C14orf39: variants seen among roughly 807,000 people sequenced by gnomAD.
C14orf39 encodes the protein chromosome 14 open reading frame 39, also known as protein SIX6OS1.
Under a neutral mutation model 85.6 loss-of-function variants are expected in C14orf39, and 66 were observed. The observed-to-expected ratio is 0.77, with a 90% confidence interval of 0.63 to 0.95. The LOEUF is 0.95. Ranked by LOEUF, C14orf39 falls within the 40% of genes least tolerant of loss-of-function variation. C14orf39 has a pLI of 0.00. For synonymous variants in C14orf39, 242 were observed against 214.0 expected (o/e 1.13, Z -1.14); for missense variants, 735 against 663.9 (o/e 1.11, Z -1.18).
At chr14:60,438,159 T>A (rs981378378) in intron 17 of C14orf39, among the ~76,000 whole-genome samples, 3 of 152,028 alleles carry the variant, frequency 2.0e-5, no homozygotes, top group Non-Finnish European at 4.4e-5. Context: ...CTTTCATATA[T>A]TTAATAACTT....
chr14:60,489,236 A>G (rs535517419), upstream of C14orf39, among the ~76,000 whole-genome samples: 29 of 152,248 alleles, frequency 1.9e-4, no homozygotes, highest in African/African-American at 7.0e-4. Context: ...TTTTTCTTTG[A>G]TATTTTCTTT....
chr14:60,508,083 G>A lies in C14orf39; in HGVS notation c.-144+7312C>T, dbSNP rs577182478. On this transcript the variant is annotated intron_variant, in intron 1 of 5. Coordinates refer to the C14orf39 transcript ENST00000556799. Reference sequence around the variant, plus strand: ...ACTACAGGAGGGGTCAATAATCAGCGGCTTAGGAAGTGCTTTCTGGGCCCC... The same window carrying A: ...ACTACAGGAGGGGTCAATAATCAGCAGCTTAGGAAGTGCTTTCTGGGCCCC... Among the ~76,000 whole-genome samples the A allele has an allele frequency of 1.6e-4, 24 of 152,232 alleles. 2 individuals are homozygous for A. The highest frequency in any genetic ancestry group is 5.8e-4 in the African/African-American group (24 of 41,530).
At chr14:60,504,813 T>C (rs909102639) in intron 1 of C14orf39, among the ~76,000 whole-genome samples, 2 of 152,346 alleles carry the variant, frequency 1.3e-5, no homozygotes, top group African/African-American at 4.8e-5. Context: ...TTGGCTTAGA[T>C]ACAAATTTTT....
At chr14:60,461,269 T>A in intron 13 of C14orf39, 85 bp downstream of exon 13, 2 of 1,181,912 alleles carry the variant, frequency 1.7e-6, no homozygotes, top group Non-Finnish European at 2.5e-6. Flanking sequence ...ATGCAAATAA[T>A]CGAAACAATT....
At position 60,455,053 on chromosome 14, in the gene C14orf39, C is replaced by A; in HGVS notation, c.1451G>T (p.Gly484Val). The A allele has an allele frequency of 1.3e-6, 2 of 1,578,688 alleles. No individual in the cohort carries two copies. Among genetic ancestry groups the A allele is most frequent in the Admixed American group, 1.9e-5 (1 of 52,602 alleles). The change falls in exon 16 of 18, where the codon GGA (glycine) becomes GTA (valine). Residue 484 changes from glycine (G) to valine (V), a missense_variant. Gly to Val is a moderately radical substitution (Grantham distance 109). Coordinates refer to ENST00000321731, the MANE Select transcript of C14orf39 (RefSeq NM_174978.3). ...FLMSYTSRSP[G>V]LNLFDSSVFD... Reference sequence around the variant, plus strand: ...TACAGAAGAATCAAATAAATTCAATCCAGGTGATCTAGAAGTATAACTCAT... The same window carrying A: ...TACAGAAGAATCAAATAAATTCAATACAGGTGATCTAGAAGTATAACTCAT...
upstream of C14orf39, among the ~76,000 whole-genome samples, chr14:60,490,073 C>G (rs1050935288): frequency 6.6e-6 from 1 of 152,128 alleles, no homozygotes; most frequent in African/African-American, 2.4e-5. Context: ...TCATAATTTT[C>G]TCTATCTTCT....
Position 60,465,546 on chromosome 14 carries a change from C to T in C14orf39, c.972+433G>A, listed in dbSNP as rs369982781. The stretch of plus-strand genomic sequence containing the variant: ...ACAGGGGGTTAAGTAAACTAACTAC[C>T]ACTGAGGTAACGCAACCAATTACCT... On this transcript the variant is annotated intron_variant, in intron 11 of 17. Coordinates refer to ENST00000321731, the MANE Select transcript of C14orf39 (RefSeq NM_174978.3). 5.1e-4 allele frequency among the ~76,000 whole-genome samples: 77 copies of T among 152,124 alleles called. 1 individual carries two copies. The highest frequency in any genetic ancestry group is 4.6e-3 in the East Asian group (24 of 5,164).
chr14:60,457,051 A>G lies in C14orf39; in HGVS notation c.1224T>C (p.Ser408=). The part of the protein sequence containing the change: ...EHFGKSVEND[S]DEVEERAENF... ...TCTCAGCTCTCTCTTCTACTTCATC[A>G]CTATCATTTTCTACTGACTTCCCAA... The change falls in exon 15 of 18, where the codon AGT becomes AGC. Residue 408 remains serine, a synonymous_variant. Coordinates refer to ENST00000321731, the MANE Select transcript of C14orf39 (RefSeq NM_174978.3). 1 of 1,605,962 alleles carries G rather than the reference A, an allele frequency of 6.2e-7. No individual in the cohort carries two copies. The highest frequency in any genetic ancestry group is 8.5e-7 in the Non-Finnish European group (1 of 1,176,586).
intron 1 of C14orf39, chr14:60,511,109 G>C: frequency 6.2e-7 from 1 of 1,612,952 alleles, no homozygotes; most frequent in Non-Finnish European, 8.5e-7. Flanking sequence ...CCTGTCACAG[G>C]GTTCCGGGCG....
intron 2 of C14orf39, among the ~76,000 whole-genome samples, chr14:60,492,994 A>G (rs1015853927): frequency 6.6e-6 from 1 of 152,130 alleles, no homozygotes; most frequent in Non-Finnish European, 1.5e-5. Context: ...TCTAGAAAAA[A>G]AACTCAGATT....
intron 16 of C14orf39, among the ~76,000 whole-genome samples, chr14:60,451,242 G>A (rs1176418252): frequency 6.6e-6 from 1 of 152,140 alleles, no homozygotes; most frequent in Non-Finnish European, 1.5e-5. Context: ...TTGTTGGTGG[G>A]ACTGTAAACT....
intron 17 of C14orf39, among the ~76,000 whole-genome samples, chr14:60,438,259 CAGAT>C (rs1383108297): frequency 1.3e-5 from 2 of 151,972 alleles, no homozygotes; most frequent in Non-Finnish European, 2.9e-5. Flanking sequence ...GATGGACAGA[CAGAT>C]GGATAGATGG....
chr14:60,508,571 C>T (rs1893239848), intron 1 of C14orf39, among the ~76,000 whole-genome samples: 1 of 152,150 alleles, frequency 6.6e-6, no homozygotes, highest in Non-Finnish European at 1.5e-5. Flanking sequence ...TCTACAGATC[C>T]CTGGTCCTGT....
chr14:60,455,097 G>A lies in C14orf39; in HGVS notation c.1407C>T (p.Ser469=). 2 of 1,568,812 alleles carry A rather than the reference G, an allele frequency of 1.3e-6. No individual in the cohort carries two copies. The highest frequency in any genetic ancestry group is 2.4e-5 in the South Asian group (2 of 83,470). Residue 469 remains serine (S), a synonymous_variant, in exon 16 of 18, where the codon TCC becomes TCT. Coordinates refer to ENST00000321731, the MANE Select transcript of C14orf39 (RefSeq NM_174978.3). ...AACTCATAAGAAAAGAAAGTCCAGGGGATTCCTTTTCTGTTTGAACTTCAG... is the reference window on the plus strand; with the variant it reads ...AACTCATAAGAAAAGAAAGTCCAGGAGATTCCTTTTCTGTTTGAACTTCAG... The part of the protein sequence containing the change: ...AVPEVQTEKE[S]PGLSFLMSYT...
chr14:60,443,134 C>T (rs1340877348), intron 16 of C14orf39, among the ~76,000 whole-genome samples: 1 of 152,068 alleles, frequency 6.6e-6, no homozygotes, highest in Non-Finnish European at 1.5e-5. Flanking sequence ...CTCTGCATTT[C>T]CAACTGAGGT....
At chr14:60,459,419 G>A (rs1392612925) in intron 13 of C14orf39, among the ~76,000 whole-genome samples, 2 of 151,264 alleles carry the variant, frequency 1.3e-5, no homozygotes, top group Non-Finnish European at 3.0e-5. Flanking sequence ...TGAGGTATGG[G>A]GTATGTATAT....
At chr14:60,477,223 T>C (rs1480179692) in intron 5 of C14orf39, among the ~76,000 whole-genome samples, 1 of 152,206 alleles carries the variant, frequency 6.6e-6, no homozygotes, top group Non-Finnish European at 1.5e-5. Flanking sequence ...CTCCTCTTTT[T>C]GCTCCATACA....
chr14:60,471,345 C>T, intron 7 of C14orf39, 72 bp downstream of exon 7: 1 of 1,139,414 alleles, frequency 8.8e-7, no homozygotes, highest in Non-Finnish European at 1.2e-6. Context: ...ACAAAGGAAA[C>T]ACAGTAACAA....
upstream of C14orf39, among the ~76,000 whole-genome samples, chr14:60,488,722 A>G (rs1250361933): frequency 6.6e-6 from 1 of 152,128 alleles, no homozygotes; most frequent in Admixed American, 6.5e-5. Context: ...TTCCTAATTG[A>G]CCTTTTCAAT....
Sources: gnomAD v4.1 joint callset for allele counts (sites outside exome capture counted in the v4.1 genomes callset) on GRCh38, gnomAD v4.1.1 for gene constraint, MANE v1.5 for transcripts, NCBI Gene and HGNC (gene_info 2026-07-23, HGNC 2026-07-21) for gene names.